Variants in DIAPH2 observed in about 807,000 individuals in gnomAD.
DIAPH2 encodes protein diaphanous homolog 2.
In DIAPH2, 35 loss-of-function variants were observed where a neutral mutation model predicts 92.7. The observed-to-expected ratio is 0.38, with a 90% CI of 0.29 to 0.50. The LOEUF is 0.50. Ranked by LOEUF, DIAPH2 falls within the 20% of genes least tolerant of loss-of-function variation. DIAPH2 has a pLI of 0.94. For missense variants in DIAPH2, 701 were observed against 819.5 expected, an observed-to-expected ratio of 0.86 and a Z score of 1.77; for synonymous variants, 301 against 280.4, an observed-to-expected ratio of 1.07 and a Z score of -0.73.
chrX:97,452,018 C>G (rs991766679), intron 26 of DIAPH2, among the ~76,000 whole-genome samples: 1 of 111,455 alleles, frequency 9.0e-6, no homozygotes, highest in Non-Finnish European at 1.9e-5. Context: ...ACAAGCAACT[C>G]TAGCAGTTCA....
intron 17 of DIAPH2, among the ~76,000 whole-genome samples, chrX:97,051,923 A>G (rs140848804): frequency 1.8e-3 from 207 of 112,156 alleles, no homozygotes; most frequent in Middle Eastern, 0.014. Context: ...GGCCTTCAAT[A>G]TAGTATTTAC....
At chrX:96,781,262 T>A (rs2064416014) in intron 4 of DIAPH2, among the ~76,000 whole-genome samples, 1 of 111,563 alleles carries the variant, frequency 9.0e-6, no homozygotes, top group South Asian at 3.7e-4. Context: ...CTATAAATCG[T>A]GGACAAGTGG....
rs150320285 is a variant in DIAPH2, at chrX:96,926,267, A to C, written c.979-4466A>C. Among the ~76,000 whole-genome samples, 776 of 107,881 alleles carry C rather than the reference A, an allele frequency of 7.2e-3. 9 individuals are homozygous for C. Among genetic ancestry groups the C allele is most frequent in the African/African-American group, 0.025 (748 of 30,387 alleles). The allele number at this position is 107,881 out of a possible 115,157, so 93.7% of individuals were successfully genotyped here. A position where few individuals can be genotyped will look rare whatever the true frequency, so the allele number is the denominator to read the frequency against. On this transcript the variant is annotated intron_variant, in intron 9 of 26. Coordinates refer to ENST00000324765, the MANE Select transcript of DIAPH2 (RefSeq NM_006729.5). Reference sequence around the variant, plus strand: ...AATTTTATGAAGATATTTGTGTTCAAATATTTCCCTTTCTCTGTCACTTAG... The same window carrying C: ...AATTTTATGAAGATATTTGTGTTCACATATTTCCCTTTCTCTGTCACTTAG...
intron 4 of DIAPH2, among the ~76,000 whole-genome samples, chrX:96,851,383 G>A (rs187741518): frequency 0.053 from 5,974 of 111,920 alleles, 178 homozygotes; most frequent in Middle Eastern, 0.13. Flanking sequence ...GATTACAGGC[G>A]TGAGCCACCT....
intron 3 of DIAPH2, among the ~76,000 whole-genome samples, chrX:96,746,089 T>C (rs2064148248): frequency 9.1e-6 from 1 of 110,380 alleles, no homozygotes; most frequent in African/African-American, 3.3e-5. Flanking sequence ...TTTGTGGAGA[T>C]GAGGTTTTGC....
intron 24 of DIAPH2, among the ~76,000 whole-genome samples, chrX:97,352,330 A>G (rs773485921): frequency 9.0e-6 from 1 of 111,187 alleles, no homozygotes; most frequent in South Asian, 3.8e-4. Context: ...AGAATTTGAC[A>G]TTATGGATTA....
intron 26 of DIAPH2, among the ~76,000 whole-genome samples, chrX:97,544,029 A>G (rs998581897): frequency 1.8e-5 from 2 of 111,952 alleles, no homozygotes; most frequent in Admixed American, 9.5e-5. Flanking sequence ...GCTTTATTAT[A>G]ATAATTGTTA....
At chrX:97,446,708 A>G (rs141164455) in intron 26 of DIAPH2, among the ~76,000 whole-genome samples, 2 of 111,147 alleles carry the variant, frequency 1.8e-5, no homozygotes, top group East Asian at 5.6e-4. Flanking sequence ...GGAAAATAGT[A>G]TATTTGATTG....
chrX:96,993,757 G>T (rs1367401732), intron 17 of DIAPH2, among the ~76,000 whole-genome samples: 1 of 112,001 alleles, frequency 8.9e-6, no homozygotes, highest in African/African-American at 3.2e-5. Flanking sequence ...TCTATAAAGA[G>T]GCATGGAGGA....
At chrX:96,783,098 A>G (rs765470493) in intron 4 of DIAPH2, among the ~76,000 whole-genome samples, 38 of 111,840 alleles carry the variant, frequency 3.4e-4, no homozygotes, top group Non-Finnish European at 5.6e-4. Flanking sequence ...TACTCGTAAA[A>G]CAACCAGAAC....
At chrX:97,099,365 CA>C (rs544528875) in intron 19 of DIAPH2, among the ~76,000 whole-genome samples, 4 of 99,063 alleles carry the variant, frequency 4.0e-5, no homozygotes, top group Non-Finnish European at 4.1e-5. Flanking sequence ...GACTCGTCTC[CA>C]AAAAAAAAAG....
chrX:96,778,271 T>C (rs2064391378), intron 4 of DIAPH2, among the ~76,000 whole-genome samples: 1 of 110,710 alleles, frequency 9.0e-6, no homozygotes, highest in South Asian at 3.9e-4. Context: ...CAAATTTTAT[T>C]TGCTCTAATT....
intron 17 of DIAPH2, among the ~76,000 whole-genome samples, chrX:97,064,371 A>T (rs1380965871): frequency 9.1e-6 from 1 of 110,028 alleles, no homozygotes; most frequent in East Asian, 2.9e-4. Flanking sequence ...ATATAGCTCC[A>T]CTCTACACAA....
chrX:97,584,438 CAG>C (rs977039096), intron 26 of DIAPH2, among the ~76,000 whole-genome samples: 4 of 112,303 alleles, frequency 3.6e-5, no homozygotes, highest in Non-Finnish European at 7.5e-5. Context: ...TTTAATAAAA[CAG>C]ATAAAACTAA....
At chrX:97,277,977 C>T (rs2068465424) in intron 23 of DIAPH2, among the ~76,000 whole-genome samples, 1 of 111,780 alleles carries the variant, frequency 8.9e-6, no homozygotes, top group Admixed American at 9.6e-5. Context: ...TCCGGAGTAG[C>T]TGGGATTACA....
At chrX:97,595,567 CTTTCT>C (rs1343428661) in intron 26 of DIAPH2, among the ~76,000 whole-genome samples, 8 of 109,424 alleles carry the variant, frequency 7.3e-5, no homozygotes, top group African/African-American at 2.6e-4. Context: ...TCTTTTCTTT[CTTTCT>C]TTTTCCTCTC....
intron 4 of DIAPH2, among the ~76,000 whole-genome samples, chrX:96,810,658 C>T (rs1205142460): frequency 2.7e-5 from 3 of 111,333 alleles, no homozygotes; most frequent in Non-Finnish European, 5.7e-5. Flanking sequence ...TTAGGTCTAA[C>T]GTTTAAGTCT....
rs191173370 is a variant in DIAPH2, at chrX:97,179,554, G to A, written c.2719+37760G>A. 1.5e-3 allele frequency among the ~76,000 whole-genome samples: 162 copies of A among 111,037 alleles called. 1 individual carries two copies. Among genetic ancestry groups the A allele is most frequent in the Non-Finnish European group, 2.7e-3 (143 of 52,997 alleles). On this transcript the variant is annotated intron_variant, in intron 22 of 26. Coordinates refer to ENST00000324765, the MANE Select transcript of DIAPH2 (RefSeq NM_006729.5). ...AGGACATGACCTCATTTCTTTTTAC[G>A]GCTGCATAGTATTCCATGATGTATA...
At chrX:96,934,711 A>G (rs1479749290) in intron 10 of DIAPH2, among the ~76,000 whole-genome samples, 2 of 111,913 alleles carry the variant, frequency 1.8e-5, no homozygotes, top group Non-Finnish European at 3.8e-5. Context: ...TGCTTTAGTA[A>G]TTTAGAATAA....
Sources: gnomAD v4.1 joint callset for allele counts (sites outside exome capture counted in the v4.1 genomes callset) on GRCh38, gnomAD v4.1.1 for gene constraint, MANE v1.5 for transcripts, NCBI Gene and HGNC (gene_info 2026-07-23, HGNC 2026-07-21) for gene names.